RTN4: variants seen among roughly 807,000 people sequenced by gnomAD.
The protein encoded by RTN4 is reticulon-4.
RTN4 carries 32 observed loss-of-function variants against 90.4 expected under a neutral mutation model. The ratio of observed to expected loss-of-function variants is 0.35; its 90% CI spans 0.27 to 0.48. RTN4 has a LOEUF of 0.48. Among genes scored for constraint, RTN4 ranks in the 20% least tolerant of loss-of-function variants. RTN4 has a pLI of 0.99. For synonymous variants in RTN4, 629 were observed against 552.5 expected (o/e 1.14, Z -1.94); for missense variants, 1,706 against 1,430.2 (o/e 1.19, Z -3.11).
chr2:54,975,687 A>G (rs142571157), intron 5 of RTN4, among the ~76,000 whole-genome samples: 1 of 152,350 alleles, frequency 6.6e-6, no homozygotes, highest in East Asian at 1.9e-4. Context: ...TCTAAAGCAT[A>G]TATCTTTCTC....
intron 4 of RTN4, among the ~76,000 whole-genome samples, chr2:54,984,604 A>C (rs1678401507): frequency 6.6e-6 from 1 of 152,220 alleles, no homozygotes; most frequent in South Asian, 2.1e-4. Context: ...TCCTGTAGAT[A>C]TTTACACTAA....
chr2:55,025,889 T>A lies in RTN4; in HGVS notation c.2210A>T (p.Asp737Val), dbSNP rs755637831. The change falls in exon 3 of 9, where the codon GAT becomes GTT. Residue 737 changes from aspartate to valine, a missense_variant. Coordinates refer to ENST00000337526, the MANE Select transcript of RTN4 (RefSeq NM_020532.5). ...AACTGGTTCAGAATCAGGTGAGGAA[T>A]CTTCAACTAGCTCAGAATGATCAGG... ...PVPDHSELVE[D>V]SSPDSEPVDL... The A allele has an allele frequency of 1.9e-6, 3 of 1,613,708 alleles. No homozygotes were observed. The African/African-American group carries it at 4.0e-5, about 22-fold the overall frequency.
In RTN4 at chr2:54,997,416, A is replaced by G. The variant is rs528124370; in HGVS notation, c.3014-9718T>C. Reference sequence around the variant, plus strand: ...CTCATAGATTGCTGATGGGAATGTAAAATTCAGCCACTGTGAAAAACAATT... The same window carrying G: ...CTCATAGATTGCTGATGGGAATGTAGAATTCAGCCACTGTGAAAAACAATT... On this transcript the variant is annotated intron_variant, in intron 3 of 8. Transcript: ENST00000337526. 3.9e-5 allele frequency among the ~76,000 whole-genome samples: 6 copies of G among 152,324 alleles called. No homozygotes were observed. In the East Asian group the frequency reaches 1.2e-3, roughly 29 times the overall value.
chr2:55,064,641 G>A (rs778458874), intron 2 of RTN4, among the ~76,000 whole-genome samples: 8 of 152,152 alleles, frequency 5.3e-5, no homozygotes, highest in East Asian at 1.9e-4. Flanking sequence ...GTGAGCCAAT[G>A]CGCCAGGCCT....
chr2:55,015,679 T>A (rs1398466930), intron 3 of RTN4, among the ~76,000 whole-genome samples: 2 of 152,176 alleles, frequency 1.3e-5, no homozygotes, highest in Admixed American at 1.3e-4. Flanking sequence ...TAAAGGGCTT[T>A]TAAAAAATAC....
At chr2:55,057,141 C>A (rs1668204608) in intron 2 of RTN4, among the ~76,000 whole-genome samples, 1 of 152,196 alleles carries the variant, frequency 6.6e-6, no homozygotes, top group African/African-American at 2.4e-5. Flanking sequence ...TTACATTGCT[C>A]TCCTATTTAA....
chr2:54,983,064 TG>T (rs972016060), intron 4 of RTN4, among the ~76,000 whole-genome samples: 1 of 151,600 alleles, frequency 6.6e-6, no homozygotes, highest in Non-Finnish European at 1.5e-5. Flanking sequence ...TGACTATGGT[TG>T]TTTTTTTTTT....
Position 55,025,868 on chromosome 2 carries a change from G to C in RTN4, c.2231C>G (p.Pro744Arg), listed in dbSNP as rs747889868. Reference protein sequence around the residue: ...LVEDSSPDSEPVDLFSDDSIP... With the variant: ...LVEDSSPDSERVDLFSDDSIP... The stretch of plus-strand genomic sequence containing the variant: ...TGAATCATCACTAAATAAGTCAACT[G>C]GTTCAGAATCAGGTGAGGAATCTTC... Residue 744 changes from proline to arginine, a missense_variant, in exon 3 of 9, where the codon CCA (proline) becomes CGA (arginine). Coordinates refer to ENST00000337526, the MANE Select transcript of RTN4 (RefSeq NM_020532.5). The C allele has an allele frequency of 1.9e-6, 3 of 1,613,718 alleles. No individual in the cohort carries two copies. In the South Asian group the frequency reaches 3.3e-5, roughly 18 times the overall value.
At chr2:55,111,790 A>G (rs1210743233) in intron 1 of RTN4, among the ~76,000 whole-genome samples, 1 of 152,214 alleles carries the variant, frequency 6.6e-6, no homozygotes, top group Non-Finnish European at 1.5e-5. Context: ...CACATTGAAC[A>G]GATATTCACT....
At chr2:55,056,742 T>G (rs1822616) in intron 2 of RTN4, among the ~76,000 whole-genome samples, 66,204 of 151,978 alleles carry the variant, frequency 0.44, 14,983 homozygotes, top group East Asian at 0.76. Flanking sequence ...GTATTTAATT[T>G]AGAAATTATT....
chr2:55,037,053 C>G (rs763963061), intron 1 of RTN4, among the ~76,000 whole-genome samples: 1 of 152,088 alleles, frequency 6.6e-6, no homozygotes, highest in East Asian at 1.9e-4. Flanking sequence ...AGGATAGATG[C>G]AAAGACAGTA....
chr2:55,131,802 T>C, the RTN4 span, among the ~76,000 whole-genome samples: 2 of 152,146 alleles, frequency 1.3e-5, no homozygotes, highest in Admixed American at 6.5e-5. Flanking sequence ...GAGAATTGCT[T>C]GAACCCAGGA....
intron 3 of RTN4, among the ~76,000 whole-genome samples, chr2:55,004,323 T>C (rs1293692181): frequency 6.6e-6 from 1 of 152,216 alleles, no homozygotes. Context: ...CAATCTTTGG[T>C]TATTCAAGTG....
At chr2:55,041,858 A>G (rs1683098814) in intron 1 of RTN4, among the ~76,000 whole-genome samples, 1 of 152,098 alleles carries the variant, frequency 6.6e-6, no homozygotes, top group South Asian at 2.1e-4. Flanking sequence ...ACTCAAAGTC[A>G]TAAAAGAAAA....
At chr2:55,015,995 T>G (rs1558806993) in intron 3 of RTN4, among the ~76,000 whole-genome samples, 1 of 152,190 alleles carries the variant, frequency 6.6e-6, no homozygotes, top group Admixed American at 6.5e-5. Flanking sequence ...GGTTTTTATT[T>G]CAAATTGATT....
chr2:55,136,434 C>T, the RTN4 span, among the ~76,000 whole-genome samples: 3 of 152,280 alleles, frequency 2.0e-5, no homozygotes, highest in Admixed American at 2.0e-4. Context: ...GGCTAAACAG[C>T]ATACTTGGAC....
chr2:55,096,258 G>A (rs905205708), intron 1 of RTN4, among the ~76,000 whole-genome samples: 4 of 152,064 alleles, frequency 2.6e-5, no homozygotes, highest in Middle Eastern at 3.4e-3. Flanking sequence ...CCCGGGAGGC[G>A]GAGGTTGCTG....
chr2:54,999,542 A>G, intron 3 of RTN4, among the ~76,000 whole-genome samples: 1 of 152,170 alleles, frequency 6.6e-6, no homozygotes, highest in East Asian at 1.9e-4. Context: ...AAAAATACCT[A>G]CTTTTGAAGC....
chr2:55,029,334 A>T (rs994616444), intron 1 of RTN4, among the ~76,000 whole-genome samples: 1 of 152,176 alleles, frequency 6.6e-6, no homozygotes, highest in South Asian at 2.1e-4. Flanking sequence ...AAGCTAACTA[A>T]TACACTCTAT....
Sources: gnomAD v4.1 joint callset for allele counts (sites outside exome capture counted in the v4.1 genomes callset) on GRCh38, gnomAD v4.1.1 for gene constraint, MANE v1.5 for transcripts, NCBI Gene and HGNC (gene_info 2026-07-23, HGNC 2026-07-21) for gene names.